Variants in CDH8 observed in about 807,000 individuals in gnomAD.
CDH8 encodes cadherin-8.
CDH8 carries 17 observed loss-of-function variants against 68.1 expected under a neutral mutation model. That is an observed-to-expected ratio of 0.25 (90% CI 0.17 to 0.37). The LOEUF (loss-of-function observed/expected upper bound fraction) is 0.37. Among genes scored for constraint, CDH8 ranks in the 10% least tolerant of loss-of-function variants. The probability of loss-of-function intolerance (pLI) is 1.00; values close to 1 mark genes in which losing one functional copy is unlikely to be tolerated. For missense variants in CDH8, 763 were observed against 999.3 expected (o/e 0.76, Z 3.19); for synonymous variants, 372 against 365.1 (o/e 1.02, Z -0.21).
chr16:61,722,753 C>A (rs573694275), intron 9 of CDH8, among the ~76,000 whole-genome samples: 27 of 150,834 alleles, frequency 1.8e-4, no homozygotes, highest in Middle Eastern at 3.4e-3. Context: ...TACATATCAT[C>A]CAGAAGTATA....
At chr16:61,706,383 C>A (rs1433551977) in intron 10 of CDH8, among the ~76,000 whole-genome samples, 1 of 151,834 alleles carries the variant, frequency 6.6e-6, no homozygotes. Context: ...TTTGGGAGGC[C>A]GAGGCGGGCG....
chr16:61,800,632 T>C (rs772074351), intron 7 of CDH8, among the ~76,000 whole-genome samples: 7 of 152,212 alleles, frequency 4.6e-5, no homozygotes, highest in Non-Finnish European at 4.4e-5. Context: ...TTGTCCCCTA[T>C]TGCCTGTTTC....
At chr16:61,987,766 C>T (rs1027499003) in intron 2 of CDH8, among the ~76,000 whole-genome samples, 1 of 151,774 alleles carries the variant, frequency 6.6e-6, no homozygotes, top group Non-Finnish European at 1.5e-5. Flanking sequence ...AACCCAGTCT[C>T]TGAAAATCGT....
At chr16:61,873,775 T>C (rs954774661) in intron 3 of CDH8, among the ~76,000 whole-genome samples, 7 of 152,128 alleles carry the variant, frequency 4.6e-5, no homozygotes, top group Non-Finnish European at 7.4e-5. Context: ...GGTGGCTTAC[T>C]CCAGGTGAGG....
At chr16:61,708,803 T>A (rs909887055) in intron 10 of CDH8, among the ~76,000 whole-genome samples, 2 of 152,208 alleles carry the variant, frequency 1.3e-5, no homozygotes, top group African/African-American at 2.4e-5. Flanking sequence ...GTATCTATGA[T>A]CTGTCACACC....
intron 10 of CDH8, among the ~76,000 whole-genome samples, chr16:61,679,597 A>G (rs1963975528): frequency 6.6e-6 from 1 of 152,044 alleles, no homozygotes; most frequent in African/African-American, 2.4e-5. Context: ...GACAGATTTT[A>G]TCTCAAATGA....
At chr16:61,726,105 T>TAGCAA (rs1265216511) in intron 9 of CDH8, 2 of 150,858 alleles carry the variant, frequency 1.3e-5, no homozygotes, top group African/African-American at 4.8e-5. Context: ...GTAAGCTGCT[T>TAGCAA]AGCAAATAGT....
At position 62,013,125 on chromosome 16, in the gene CDH8, G is replaced by A. The variant is rs1901854787; in HGVS notation, c.252+8027C>T. Among the ~76,000 whole-genome samples the A allele has an allele frequency of 3.6e-5, 3 of 83,432 alleles. 1 individual carries two copies. The highest frequency in any genetic ancestry group is 8.4e-5 in the African/African-American group (2 of 23,802). 54.7% of individuals were successfully genotyped at this position (83,432 alleles called of 152,430 possible). Reference sequence around the variant, plus strand: ...AAAAAATTAGCCGGGCGCGGTGGCGGGCGCCTGTAGTCCCAGCTACTGGGG... The same window carrying A: ...AAAAAATTAGCCGGGCGCGGTGGCGAGCGCCTGTAGTCCCAGCTACTGGGG... On this transcript the variant is annotated intron_variant, in intron 2 of 11. Transcript: ENST00000577390.
At chr16:61,681,014 A>C (rs1230992508) in intron 10 of CDH8, among the ~76,000 whole-genome samples, 1 of 151,898 alleles carries the variant, frequency 6.6e-6, no homozygotes, top group East Asian at 1.9e-4. Flanking sequence ...TATTTAAAAA[A>C]AGGACCGTAA....
At chr16:61,966,699 C>A (rs1965258770) in intron 2 of CDH8, among the ~76,000 whole-genome samples, 2 of 152,090 alleles carry the variant, frequency 1.3e-5, no homozygotes, top group African/African-American at 4.8e-5. Flanking sequence ...AAAATTAAAT[C>A]AAATCAAAAT....
At chr16:61,672,146 A>ATG (rs1963810325) in intron 10 of CDH8, among the ~76,000 whole-genome samples, 1 of 152,004 alleles carries the variant, frequency 6.6e-6, no homozygotes, top group African/African-American at 2.4e-5. Context: ...TTGATAATGG[A>ATG]TGTGTGGTAC....
chr16:61,928,933 G>A (rs982135206), intron 2 of CDH8, among the ~76,000 whole-genome samples: 1 of 152,160 alleles, frequency 6.6e-6, no homozygotes, highest in Non-Finnish European at 1.5e-5. Flanking sequence ...ATTTGAGATG[G>A]AGTCTCGTTC....
Position 61,848,502 on chromosome 16 carries a change from G to A in CDH8, c.667+8617C>T, listed in dbSNP as rs904929468. ...GTATATTTAACTGTTCTATGTGCTT[G>A]GAGTGGGGGGATTATTTTAATAATC... On this transcript the variant is annotated intron_variant, in intron 4 of 11. Coordinates refer to ENST00000577390, the MANE Select transcript of CDH8 (RefSeq NM_001796.5). Among the ~76,000 whole-genome samples, 10 of 152,062 alleles carry A rather than the reference G, an allele frequency of 6.6e-5. 1 individual carries two copies. Among genetic ancestry groups the A allele is most frequent in the African/African-American group, 2.4e-4 (10 of 41,424 alleles).
At chr16:61,960,280 TACACACATATATAC>T (rs1965113719) in intron 2 of CDH8, among the ~76,000 whole-genome samples, 2 of 100,074 alleles carry the variant, frequency 2.0e-5, no homozygotes, top group South Asian at 2.9e-4. Flanking sequence ...TGTGTGTGTA[TACACACATATATAC>T]GTGTGTGTGT....
intron 3 of CDH8, among the ~76,000 whole-genome samples, chr16:61,891,186 T>G (rs954561943): frequency 6.6e-6 from 1 of 152,080 alleles, no homozygotes; most frequent in East Asian, 1.9e-4. Context: ...TGGCAGCCCA[T>G]ACAGGGCAAT....
intron 2 of CDH8, among the ~76,000 whole-genome samples, chr16:61,925,053 C>T (rs1253076689): frequency 6.6e-6 from 1 of 152,150 alleles, no homozygotes; most frequent in African/African-American, 2.4e-5. Flanking sequence ...TGACAGCACT[C>T]CTATTCAATC....
intron 10 of CDH8, among the ~76,000 whole-genome samples, chr16:61,700,816 T>C (rs113714944): frequency 0.014 from 2,171 of 152,134 alleles, 61 homozygotes; most frequent in African/African-American, 0.049. Context: ...AGCTGTAGAG[T>C]TCTATTGCAC....
rs537778677 is a variant in CDH8, at chr16:61,749,998, T to A, written c.1415-22783A>T. On this transcript the variant is annotated intron_variant, in intron 8 of 11. Transcript: ENST00000577390. ...ATGCTGAGGTTTGGGGTATAAATGA[T>A]CCTGTCACCCAGGTAGTCAGCATAG... is the stretch of plus-strand genomic sequence containing the variant. Among the ~76,000 whole-genome samples, 3 of 152,212 alleles carry A rather than the reference T, an allele frequency of 2.0e-5. No individual in the cohort carries two copies. The South Asian group carries it at 6.2e-4, about 32-fold the overall frequency.
At chr16:61,684,848 G>C (rs1258331101) in intron 10 of CDH8, among the ~76,000 whole-genome samples, 1 of 151,870 alleles carries the variant, frequency 6.6e-6, no homozygotes, top group Non-Finnish European at 1.5e-5. Flanking sequence ...ATCATTAATG[G>C]ATTCAACTCC....
Sources: gnomAD v4.1 joint callset for allele counts (sites outside exome capture counted in the v4.1 genomes callset) on GRCh38, gnomAD v4.1.1 for gene constraint, MANE v1.5 for transcripts, NCBI Gene and HGNC (gene_info 2026-07-23, HGNC 2026-07-21) for gene names.